The following NALF1 variants were observed in gnomAD, a reference collection of about 807,000 sequenced individuals.
The protein encoded by NALF1 is NALCN channel auxiliary factor 1.
NALF1 carries 3 observed loss-of-function variants against 48.4 expected under a neutral mutation model. That is an observed-to-expected ratio of 0.06 (90% CI 0.03 to 0.16). The LOEUF is 0.16. NALF1 is among the 10% of genes least tolerant of loss of function. The pLI is 1.00. For missense variants in NALF1, 526 were observed against 571.5 expected (o/e 0.92, Z 0.81); for synonymous variants, 262 against 245.7 (o/e 1.07, Z -0.62).
chr13:107,507,858 C>T (rs180801647), intron 1 of NALF1, among the ~76,000 whole-genome samples: 36 of 152,214 alleles, frequency 2.4e-4, no homozygotes, highest in African/African-American at 7.7e-4. Context: ...AAGTAGAAGA[C>T]TAAATGTTGC....
intron 1 of NALF1, among the ~76,000 whole-genome samples, chr13:107,363,847 T>C (rs1048115466): frequency 1.3e-5 from 2 of 152,208 alleles, no homozygotes; most frequent in Non-Finnish European, 2.9e-5. Context: ...ATCCAGTTCA[T>C]GTTGTGTTTT....
intron 1 of NALF1, among the ~76,000 whole-genome samples, chr13:107,417,473 T>C (rs1884109859): frequency 6.6e-6 from 1 of 152,206 alleles, no homozygotes; most frequent in South Asian, 2.1e-4. Flanking sequence ...CATTTCATTA[T>C]ATCAAAATTC....
chr13:107,406,766 AT>A (rs763820290), intron 1 of NALF1, among the ~76,000 whole-genome samples: 5 of 151,954 alleles, frequency 3.3e-5, no homozygotes, highest in Non-Finnish European at 7.4e-5. Context: ...AGAAAAAAAA[AT>A]CCAAAAATGT....
intron 1 of NALF1, among the ~76,000 whole-genome samples, chr13:107,756,622 T>C (rs530873331): frequency 1.2e-4 from 18 of 152,150 alleles, no homozygotes; most frequent in Non-Finnish European, 1.5e-5. Flanking sequence ...GCATGCTAAA[T>C]ACCTCCATGG....
intron 1 of NALF1, among the ~76,000 whole-genome samples, chr13:107,408,755 CAT>C (rs1883942181): frequency 6.6e-6 from 1 of 152,018 alleles, no homozygotes; most frequent in Non-Finnish European, 1.5e-5. Flanking sequence ...GAGAGAAAGG[CAT>C]ATGGTAAAAT....
At chr13:107,549,948 T>C (rs1437358165) in intron 1 of NALF1, among the ~76,000 whole-genome samples, 1 of 152,142 alleles carries the variant, frequency 6.6e-6, no homozygotes, top group African/African-American at 2.4e-5. Flanking sequence ...TGAGTCTTTC[T>C]TTGCTATTCA....
intron 1 of NALF1, among the ~76,000 whole-genome samples, chr13:107,211,613 G>A (rs966537254): frequency 2.0e-5 from 3 of 152,144 alleles, no homozygotes; most frequent in Non-Finnish European, 2.9e-5. Flanking sequence ...TACAACAATG[G>A]CAGATGTACC....
intron 1 of NALF1, among the ~76,000 whole-genome samples, chr13:107,231,671 A>G (rs2138825496): frequency 1.3e-5 from 2 of 152,334 alleles, no homozygotes; most frequent in Admixed American, 1.3e-4. Context: ...GCTACGCAAA[A>G]AATTATCTTT....
intron 1 of NALF1, among the ~76,000 whole-genome samples, chr13:107,634,286 CA>C (rs1879916201): frequency 1.3e-5 from 2 of 151,970 alleles, no homozygotes; most frequent in African/African-American, 2.4e-5. Context: ...AGAAAAGGTT[CA>C]GGGGTGATGA....
chr13:107,794,920 T>C lies in NALF1; in HGVS notation c.915+70762A>G, dbSNP rs555164633. Reference sequence around the variant, plus strand: ...TTTTTCTGAACAAGTTCTTCTAACATTGAAGAGATAAGAAAATCTTTTGAT... The same window carrying C: ...TTTTTCTGAACAAGTTCTTCTAACACTGAAGAGATAAGAAAATCTTTTGAT... On this transcript the variant is annotated intron_variant, in intron 1 of 2. Coordinates refer to ENST00000375915, the MANE Select transcript of NALF1 (RefSeq NM_001080396.3). Among the ~76,000 whole-genome samples, 65 of 152,282 alleles carry C rather than the reference T, an allele frequency of 4.3e-4. 1 individual carries two copies. Among genetic ancestry groups the C allele is most frequent in the African/African-American group, 1.5e-3 (63 of 41,582 alleles).
At chr13:107,687,502 G>GCACACACACA (rs57085950) in intron 1 of NALF1, among the ~76,000 whole-genome samples, 4 of 149,050 alleles carry the variant, frequency 2.7e-5, no homozygotes, top group South Asian at 2.1e-4. Flanking sequence ...CAGTGCACAT[G>GCACACACACA]CACACACACA....
intron 1 of NALF1, among the ~76,000 whole-genome samples, chr13:107,856,207 AAG>A (rs1218048757): frequency 6.6e-6 from 1 of 152,212 alleles, no homozygotes; most frequent in Non-Finnish European, 1.5e-5. Flanking sequence ...GCACCTGGAC[AAG>A]AGAAAGAATT....
At chr13:107,523,736 G>C (rs1206240826) in intron 1 of NALF1, among the ~76,000 whole-genome samples, 1 of 151,730 alleles carries the variant, frequency 6.6e-6, no homozygotes, top group Non-Finnish European at 1.5e-5. Context: ...AGAATGATGG[G>C]TACATTTAAG....
intron 1 of NALF1, among the ~76,000 whole-genome samples, chr13:107,486,953 G>C (rs772985181): frequency 5.3e-5 from 8 of 152,106 alleles, no homozygotes; most frequent in Non-Finnish European, 1.2e-4. Flanking sequence ...TAAAGATTCT[G>C]AAACCTACTT....
intron 1 of NALF1, among the ~76,000 whole-genome samples, chr13:107,816,341 A>G (rs1402861933): frequency 6.6e-6 from 1 of 152,202 alleles, no homozygotes; most frequent in Non-Finnish European, 1.5e-5. Flanking sequence ...AATAGGTTTA[A>G]TGGACTCACA....
intron 1 of NALF1, among the ~76,000 whole-genome samples, chr13:107,556,319 A>C (rs899242545): frequency 8.1e-5 from 12 of 147,970 alleles, no homozygotes; most frequent in Non-Finnish European, 1.5e-4. Context: ...ACACACACAC[A>C]TATATATATA....
At chr13:107,796,780 G>A (rs1316312362) in intron 1 of NALF1, among the ~76,000 whole-genome samples, 1 of 150,786 alleles carries the variant, frequency 6.6e-6, no homozygotes, top group Admixed American at 6.6e-5. Context: ...ATATCATTCT[G>A]AATTATCAGT....
At chr13:107,606,762 T>G (rs182113351) in intron 1 of NALF1, among the ~76,000 whole-genome samples, 2 of 152,196 alleles carry the variant, frequency 1.3e-5, no homozygotes. Context: ...GCTTTCAAGC[T>G]GAATAGTGAG....
chr13:107,259,690 A>G (rs78557485), intron 1 of NALF1, among the ~76,000 whole-genome samples: 1 of 152,208 alleles, frequency 6.6e-6, no homozygotes, highest in Non-Finnish European at 1.5e-5. Context: ...AATGGTTTCC[A>G]ATGTTTTTAT....
Sources: allele counts gnomAD v4.1 joint callset (sites outside exome capture counted in the v4.1 genomes callset), GRCh38; gene constraint gnomAD v4.1.1; transcripts MANE v1.5; gene names NCBI Gene and HGNC (gene_info 2026-07-23, HGNC 2026-07-21).